Variants in TVP23C observed in about 807,000 individuals in gnomAD.
TVP23C encodes trans-golgi network vesicle protein 23 homolog C, also known as Golgi apparatus membrane protein TVP23 homolog C.
A neutral mutation model predicts 28.7 loss-of-function variants in TVP23C; 19 were observed. The ratio of observed to expected loss-of-function variants is 0.66; its 90% CI spans 0.46 to 0.97. The LOEUF (loss-of-function observed/expected upper bound fraction) is 0.97, where lower values mean the gene tolerates loss of function less well. TVP23C is among the 50% of genes least tolerant of loss of function. The probability of loss-of-function intolerance (pLI) is 0.00; values close to 1 mark genes in which losing one functional copy is unlikely to be tolerated. For missense variants in TVP23C, 186 were observed against 241.3 expected, an observed-to-expected ratio of 0.77 and a Z score of 1.52; for synonymous variants, 68 against 81.7, an observed-to-expected ratio of 0.83 and a Z score of 0.90.
At position 15,538,154 on chromosome 17, in the gene TVP23C, C is replaced by T. The variant is rs745841375; in HGVS notation, c.*2258G>A. The T allele has an allele frequency of 6.2e-7, 1 of 1,613,688 alleles. No homozygotes were observed. The highest frequency in any genetic ancestry group is 2.2e-5 in the East Asian group (1 of 44,874). On this transcript the variant is annotated 3_prime_UTR_variant, in exon 6 of 6. Coordinates refer to ENST00000518321, the MANE Select transcript of TVP23C (RefSeq NM_001135036.2). ...AGGAAGTCTGATCATCTCCAGTGTTCCGCAAAAGACAAAAAAAGAACTCCT... is the reference window on the plus strand; with the variant it reads ...AGGAAGTCTGATCATCTCCAGTGTTTCGCAAAAGACAAAAAAAGAACTCCT...
At chr17:15,529,540 C>T (rs1366601004) in intron 5 of TVP23C, among the ~76,000 whole-genome samples, 1 of 151,680 alleles carries the variant, frequency 6.6e-6, no homozygotes, top group Non-Finnish European at 1.5e-5. Flanking sequence ...TTTTTAAGTG[C>T]ATATTTGTTT....
chr17:15,523,741 G>A (rs912825354), intron 5 of TVP23C, among the ~76,000 whole-genome samples: 1 of 151,658 alleles, frequency 6.6e-6, no homozygotes, highest in African/African-American at 2.4e-5. Context: ...AGTCTCCCAA[G>A]TAGCTGGGAC....
At chr17:15,561,661 TA>T (rs1191265647) in intron 1 of TVP23C, among the ~76,000 whole-genome samples, 1 of 148,828 alleles carries the variant, frequency 6.7e-6, no homozygotes, top group Non-Finnish European at 1.5e-5. Flanking sequence ...AATAAATAAA[TA>T]AATAGTGGGA....
At chr17:15,552,182 A>G (rs1983921759) in intron 3 of TVP23C, among the ~76,000 whole-genome samples, 1 of 152,216 alleles carries the variant, frequency 6.6e-6, no homozygotes, top group South Asian at 2.1e-4. Flanking sequence ...TGAACAACAA[A>G]AAGAAACGTG....
At chr17:15,503,321 C>T in intron 5 of TVP23C, 1 of 1,417,310 alleles carries the variant, frequency 7.1e-7, no homozygotes, top group Non-Finnish European at 9.2e-7. Context: ...GGGAGGATCG[C>T]TTCAGCCCAG....
chr17:15,521,486 AGAGC>A (rs1015566324), intron 5 of TVP23C, among the ~76,000 whole-genome samples: 4 of 152,188 alleles, frequency 2.6e-5, no homozygotes, highest in African/African-American at 7.2e-5. Flanking sequence ...CCTGGGCAAC[AGAGC>A]GAGACTCCGT....
At chr17:15,558,587 T>C (rs1474278487) in intron 1 of TVP23C, among the ~76,000 whole-genome samples, 1 of 148,108 alleles carries the variant, frequency 6.8e-6, no homozygotes, top group East Asian at 2.0e-4. Context: ...GGAGGGTCAG[T>C]GAGAGAAGGT....
intron 5 of TVP23C, among the ~76,000 whole-genome samples, chr17:15,525,210 T>C (rs1275317150): frequency 1.3e-5 from 2 of 152,220 alleles, no homozygotes; most frequent in African/African-American, 2.4e-5. Context: ...AATAAATGTT[T>C]ATTGAGTGCC....
At chr17:15,559,400 G>C (rs1441951458) in intron 1 of TVP23C, among the ~76,000 whole-genome samples, 2 of 144,914 alleles carry the variant, frequency 1.4e-5, no homozygotes, top group Non-Finnish European at 3.0e-5. Flanking sequence ...GGACACAAAA[G>C]ATTTCGGGGC....
chr17:15,502,814 C>T, exon 6 of TVP23C: 1 of 850,476 alleles, frequency 1.2e-6, no homozygotes, highest in South Asian at 2.2e-5. Flanking sequence ...TCTCTCCTCT[C>T]TCTCTCTCTC....
chr17:15,502,740 CCT>C (rs1341735564), exon 6 of TVP23C: 18 of 1,000,684 alleles, frequency 1.8e-5, no homozygotes, highest in South Asian at 4.6e-5. Flanking sequence ...CTTTCTCTCT[CCT>C]CTCTCCCGTC....
intron 5 of TVP23C, chr17:15,507,263 C>A: frequency 1.3e-6 from 1 of 742,158 alleles, no homozygotes. Flanking sequence ...TGAGAGAAGG[C>A]ATGAATATTG....
chr17:15,556,609 C>T (rs1207150160), intron 1 of TVP23C, among the ~76,000 whole-genome samples: 1 of 152,164 alleles, frequency 6.6e-6, no homozygotes, highest in East Asian at 1.9e-4. Flanking sequence ...CCCGCCTCGG[C>T]CTCCCAATTG....
At chr17:15,527,121 T>C (rs1418850723) in intron 5 of TVP23C, among the ~76,000 whole-genome samples, 1 of 152,192 alleles carries the variant, frequency 6.6e-6, no homozygotes, top group Non-Finnish European at 1.5e-5. Flanking sequence ...CAGCCAGTTT[T>C]AGCCTGCCTG....
rs780073905 is a variant in TVP23C at position 15,503,039 on chromosome 17, G to C, written c.656C>G (p.Pro219Arg). 32 of 1,613,900 alleles carry C rather than the reference G, an allele frequency of 2.0e-5. No individual in the cohort carries two copies. In the South Asian group the frequency reaches 3.1e-4, roughly 16 times the overall value. Reference sequence around the variant, plus strand: ...ACGAAGAGGTGGAGAACTAAGGCGGGGCGCAGGTTTCCAGTAAAGAGCTCG... The same window carrying C: ...ACGAAGAGGTGGAGAACTAAGGCGGCGCGCAGGTTTCCAGTAAAGAGCTCG... Residue 219 changes from proline to arginine, a missense_variant, in exon 6 of 6, where the codon CCC becomes CGC. Physicochemically the swap from Pro to Arg is moderately radical, Grantham distance 103. Transcript: ENST00000225576.
intron 5 of TVP23C, 32 bp downstream of exon 5, chr17:15,545,753 G>A: frequency 6.3e-7 from 1 of 1,595,292 alleles, no homozygotes. Context: ...ACATCTTAAT[G>A]GATTATTTGA....
At chr17:15,510,915 G>T (rs1419094393) in intron 5 of TVP23C, among the ~76,000 whole-genome samples, 1 of 151,968 alleles carries the variant, frequency 6.6e-6, no homozygotes, top group African/African-American at 2.4e-5. Flanking sequence ...TTAGTTAGGC[G>T]TGGTGGCAGG....
At chr17:15,505,068 G>A (rs1462468702) in intron 5 of TVP23C, among the ~76,000 whole-genome samples, 3 of 152,140 alleles carry the variant, frequency 2.0e-5, no homozygotes, top group Admixed American at 2.0e-4. Flanking sequence ...CAACGCATGT[G>A]TGTTCTCAAC....
chr17:15,502,786 CCT>C lies in TVP23C; in HGVS notation c.*76_*77del, dbSNP rs781741338. On this transcript the variant is annotated 3_prime_UTR_variant, in exon 6 of 6. Transcript: ENST00000225576. The stretch of plus-strand genomic sequence containing the variant: ...TCCTTCTCCGTCACTCTCTTCCCTC[CCT>C]CTCTCCTCTCTCCTCTCTCTCCTCT... The C allele has an allele frequency of 9.0e-5, 132 of 1,462,822 alleles. No individual in the cohort carries two copies. In the East Asian group the frequency reaches 1.6e-3, roughly 18 times the overall value. The allele number at this position is 1,462,822 out of a possible 1,614,324, so 90.6% of individuals were successfully genotyped here. A position where few individuals can be genotyped will look rare whatever the true frequency, so the allele number is the denominator to read the frequency against.
Sources: gnomAD v4.1 joint callset for allele counts (sites outside exome capture counted in the v4.1 genomes callset) on GRCh38, gnomAD v4.1.1 for gene constraint, MANE v1.5 for transcripts, NCBI Gene and HGNC (gene_info 2026-07-23, HGNC 2026-07-21) for gene names.